LRRC1: variants seen among roughly 807,000 people sequenced by gnomAD.
LRRC1 encodes leucine-rich repeat-containing protein 1.
In LRRC1, 28 loss-of-function variants were observed where a neutral mutation model predicts 69.9. The observed-to-expected ratio is 0.40, with a 90% CI of 0.30 to 0.55. The LOEUF is 0.55. Among genes scored for constraint, LRRC1 ranks in the 20% least tolerant of loss-of-function variants. The pLI, the probability that LRRC1 is intolerant of heterozygous loss-of-function variation, is 0.47. For missense variants in LRRC1, 498 were observed against 609.0 expected (o/e 0.82, Z 1.92); for synonymous variants, 236 against 240.2 (o/e 0.98, Z 0.16).
At chr6:53,881,141 G>A (rs920744656) in intron 3 of LRRC1, among the ~76,000 whole-genome samples, 5 of 152,162 alleles carry the variant, frequency 3.3e-5, no homozygotes, top group Non-Finnish European at 5.9e-5. Context: ...AATTTGGCAG[G>A]TGTGCTGTTT....
intron 2 of LRRC1, among the ~76,000 whole-genome samples, chr6:53,866,905 G>A (rs1208967333): frequency 2.0e-5 from 3 of 152,118 alleles, no homozygotes. Flanking sequence ...AGTCAGATCA[G>A]ATGATGCACT....
chr6:53,880,117 C>T (rs1401204455), intron 3 of LRRC1, among the ~76,000 whole-genome samples: 1 of 152,164 alleles, frequency 6.6e-6, no homozygotes. Context: ...TTTCTTGGGA[C>T]TTCTTGGGTA....
chr6:53,881,901 T>G (rs1767302280), intron 3 of LRRC1, among the ~76,000 whole-genome samples: 1 of 152,232 alleles, frequency 6.6e-6, no homozygotes, highest in Non-Finnish European at 1.5e-5. Context: ...AAACTAAACT[T>G]TCTTTGTAAA....
At chr6:53,799,368 G>A (rs1311891548) in intron 1 of LRRC1, among the ~76,000 whole-genome samples, 1 of 152,154 alleles carries the variant, frequency 6.6e-6, no homozygotes, top group African/African-American at 2.4e-5. Context: ...TTCACGGCTG[G>A]ACCTAGGACA....
rs1168123320 is a variant in LRRC1 at position 53,920,605 on chromosome 6, T to G, written c.1280-20T>G. 13 of 1,613,988 alleles carry G rather than the reference T, an allele frequency of 8.1e-6. No homozygotes were observed. Among genetic ancestry groups the G allele is most frequent in the African/African-American group, 1.3e-5 (1 of 74,938 alleles). On this transcript the variant is annotated intron_variant, in intron 12 of 13. Transcript: ENST00000370888. ...CACATGAAACGCAATTCCCTGCTTA[T>G]GTGGTCTTTGTCACTGCAGAGAATC...
intron 1 of LRRC1, among the ~76,000 whole-genome samples, chr6:53,828,998 T>A (rs932658316): frequency 2.0e-5 from 3 of 152,216 alleles, no homozygotes; most frequent in Non-Finnish European, 4.4e-5. Flanking sequence ...TAACATATAT[T>A]AAGCATTTCT....
intron 1 of LRRC1, among the ~76,000 whole-genome samples, chr6:53,797,443 A>G (rs956223102): frequency 2.0e-5 from 3 of 152,118 alleles, no homozygotes; most frequent in Admixed American, 6.5e-5. Context: ...GCAAACATAG[A>G]TATCTGTTCC....
intron 2 of LRRC1, among the ~76,000 whole-genome samples, chr6:53,854,553 T>A (rs889217888): frequency 6.6e-6 from 1 of 152,176 alleles, no homozygotes. Flanking sequence ...CTCCGAGAAA[T>A]AAGCTTGCCA....
intron 1 of LRRC1, among the ~76,000 whole-genome samples, chr6:53,826,148 C>T (rs892350509): frequency 4.6e-5 from 7 of 150,828 alleles, no homozygotes; most frequent in South Asian, 2.1e-4. Flanking sequence ...CCCCTGCCTA[C>T]GTGTGGGCTT....
At chr6:53,896,736 C>G in intron 5 of LRRC1, 93 bp from the exon 6 acceptor site, 1 of 996,546 alleles carries the variant, frequency 1.0e-6, no homozygotes, top group Non-Finnish European at 1.5e-6. Flanking sequence ...TAAAAATGGA[C>G]CTTATTTTTG....
At chr6:53,866,108 C>T (rs940652664) in intron 2 of LRRC1, among the ~76,000 whole-genome samples, 1 of 152,090 alleles carries the variant, frequency 6.6e-6, no homozygotes, top group African/African-American at 2.4e-5. Context: ...ACCAAGAAAG[C>T]ATATGCCCCA....
chr6:53,902,040 G>A (rs192354878), intron 8 of LRRC1, among the ~76,000 whole-genome samples: 113 of 152,314 alleles, frequency 7.4e-4, no homozygotes, highest in Non-Finnish European at 9.0e-4. Flanking sequence ...CTTTACTAGT[G>A]GCTAGTGGGG....
intron 4 of LRRC1, among the ~76,000 whole-genome samples, chr6:53,892,011 T>TATACACACACACACAC (rs1428852703): frequency 0.014 from 1,888 of 135,224 alleles, 32 homozygotes; most frequent in African/African-American, 0.034. Context: ...TATATATATA[T>TATACACACACACACAC]ACACACACAC....
chr6:53,907,069 G>T (rs1768265923), intron 10 of LRRC1, among the ~76,000 whole-genome samples: 1 of 152,204 alleles, frequency 6.6e-6, no homozygotes, highest in Non-Finnish European at 1.5e-5. Flanking sequence ...GTTGGCCCAG[G>T]CAGCACTGTC....
intron 2 of LRRC1, among the ~76,000 whole-genome samples, chr6:53,846,686 C>G (rs1765957432): frequency 2.6e-5 from 4 of 152,196 alleles, no homozygotes; most frequent in Admixed American, 2.6e-4. Context: ...AGTATATGAA[C>G]TAGATATCTG....
chr6:53,900,045 T>TTTTG (rs1768006800), intron 8 of LRRC1, among the ~76,000 whole-genome samples, 154 bp downstream of exon 8: 1 of 105,906 alleles, frequency 9.4e-6, no homozygotes, highest in African/African-American at 4.1e-5. Flanking sequence ...TTTTTTTTTT[T>TTTTG]TTTTTTTTCT....
Position 53,920,671 on chromosome 6 carries a change from C to A in LRRC1, c.1326C>A (p.Val442=). The A allele has an allele frequency of 6.2e-7, 1 of 1,614,120 alleles. No individual in the cohort carries two copies. The highest frequency in any genetic ancestry group is 8.5e-7 in the Non-Finnish European group (1 of 1,180,000). The change falls in exon 13 of 14, where the codon GTC becomes GTA. Residue 442 remains valine, a synonymous_variant. Transcript: ENST00000370888. The stretch of plus-strand genomic sequence containing the variant: ...CACTGGAGAACTTGGTAAATGATGT[C>A]TCTGATGAAGCCTGGAACGAGCGTG... The part of the protein sequence containing the change: ...CGALENLVND[V]SDEAWNERAV...
Position 53,920,656 on chromosome 6 carries a change from C to G in LRRC1, c.1311C>G (p.Asn437Lys). The change falls in exon 13 of 14, where the codon AAC (asparagine) becomes AAG (lysine). Residue 437 changes from asparagine (N) to lysine (K), a missense_variant. Around this residue, in one of 3 missense-constraint regions of LRRC1, gnomAD observed 162 missense variants for 162.9 expected, o/e 0.99. Transcript: ENST00000370888. ...TGCCTCGCTGTGGTGCACTGGAGAA[C>G]TTGGTAAATGATGTCTCTGATGAAG... is the stretch of plus-strand genomic sequence containing the variant. ...ENLPRCGALE[N>K]LVNDVSDEAW... is the part of the protein sequence containing the mutation. 6.2e-7 allele frequency: 1 copy of G among 1,614,166 alleles called. No homozygotes were observed. The highest frequency in any genetic ancestry group is 8.5e-7 in the Non-Finnish European group (1 of 1,180,024).
At chr6:53,835,072 A>G (rs972805674) in intron 1 of LRRC1, among the ~76,000 whole-genome samples, 7 of 152,210 alleles carry the variant, frequency 4.6e-5, no homozygotes, top group African/African-American at 1.7e-4. Context: ...AATTCTGTGC[A>G]TTTTTGACAT....
Sources: gnomAD v4.1 joint callset for allele counts (sites outside exome capture counted in the v4.1 genomes callset) on GRCh38, gnomAD v4.1.1 for gene constraint, gnomAD v4.1.1 regional missense constraint, MANE v1.5 for transcripts, NCBI Gene and HGNC (gene_info 2026-07-23, HGNC 2026-07-21) for gene names.